Variants in AGMO observed in about 807,000 individuals in gnomAD.
AGMO encodes the protein alkylglycerol monooxygenase.
In AGMO, 75 loss-of-function variants were observed where a neutral mutation model predicts 60.2. The observed-to-expected ratio is 1.25, with a 90% CI of 1.03 to 1.51. The LOEUF (loss-of-function observed/expected upper bound fraction) is 1.51. Ranked by LOEUF, AGMO falls within the 40% of genes most tolerant of loss-of-function variation. The pLI is 0.00. For synonymous variants in AGMO, 261 were observed against 177.1 expected, an observed-to-expected ratio of 1.47 and a Z score of -3.76; for missense variants, 763 against 525.5, an observed-to-expected ratio of 1.45 and a Z score of -4.42.
chr7:15,295,507 T>C (rs1583374980), intron 12 of AGMO, among the ~76,000 whole-genome samples: 1 of 152,036 alleles, frequency 6.6e-6, no homozygotes, highest in Admixed American at 6.6e-5. Context: ...TGGGTGATAG[T>C]GGGAGGAGGC....
chr7:15,342,622 A>C (rs1781891003), intron 12 of AGMO, among the ~76,000 whole-genome samples: 1 of 151,884 alleles, frequency 6.6e-6, no homozygotes, highest in Non-Finnish European at 1.5e-5. Flanking sequence ...TATCTTGACT[A>C]ACAGATTTCG....
intron 12 of AGMO, among the ~76,000 whole-genome samples, chr7:15,269,662 C>G (rs1033139156): frequency 4.6e-5 from 7 of 151,996 alleles, no homozygotes; most frequent in Admixed American, 3.3e-4. Flanking sequence ...GTTTGTTGCA[C>G]ATTGTTGCAT....
At chr7:15,174,495 A>G in the AGMO span, among the ~76,000 whole-genome samples, 1 of 152,126 alleles carries the variant, frequency 6.6e-6, no homozygotes, top group Non-Finnish European at 1.5e-5. Flanking sequence ...CTCAAAGAAA[A>G]AGATGGACTC....
At chr7:15,467,263 T>C (rs1021748771) in intron 3 of AGMO, among the ~76,000 whole-genome samples, 3 of 152,132 alleles carry the variant, frequency 2.0e-5, no homozygotes, top group African/African-American at 4.8e-5. Flanking sequence ...ATGTGGAACA[T>C]ATTGAGTAGC....
At chr7:15,273,182 T>C (rs1188600606) in intron 12 of AGMO, among the ~76,000 whole-genome samples, 1 of 152,224 alleles carries the variant, frequency 6.6e-6, no homozygotes, top group Non-Finnish European at 1.5e-5. Flanking sequence ...TTTTGGTGTT[T>C]TAGGCATGAA....
At chr7:15,354,478 GTGTGTATA>G (rs1782429961) in intron 12 of AGMO, among the ~76,000 whole-genome samples, 1 of 15,700 alleles carries the variant, frequency 6.4e-5, no homozygotes, top group Non-Finnish European at 1.0e-4. Flanking sequence ...GTATACACAC[GTGTGTATA>G]TACACACGTG....
At chr7:15,162,120 G>A in the AGMO span, among the ~76,000 whole-genome samples, 1 of 151,976 alleles carries the variant, frequency 6.6e-6, no homozygotes, top group East Asian at 1.9e-4. Flanking sequence ...CTGTGCTTTG[G>A]CTCTCTCCTG....
At chr7:15,479,038 C>G (rs534674975) in intron 3 of AGMO, among the ~76,000 whole-genome samples, 1 of 152,048 alleles carries the variant, frequency 6.6e-6, no homozygotes, top group Non-Finnish European at 1.5e-5. Context: ...ACAGCTCTGA[C>G]ATTCAAGTTA....
chr7:15,193,384 C>T, the AGMO span, among the ~76,000 whole-genome samples: 1 of 152,088 alleles, frequency 6.6e-6, no homozygotes, highest in Non-Finnish European at 1.5e-5. Flanking sequence ...TTATTTATTA[C>T]TTGTTAATTG....
chr7:15,492,607 T>TTTATTA (rs35755542), intron 3 of AGMO, among the ~76,000 whole-genome samples: 39 of 149,740 alleles, frequency 2.6e-4, no homozygotes, highest in Admixed American at 1.7e-3. Context: ...TGAGGAGGTT[T>TTTATTA]TTATTATTAT....
intron 10 of AGMO, among the ~76,000 whole-genome samples, chr7:15,379,237 C>T (rs1783580577): frequency 6.6e-6 from 1 of 151,860 alleles, no homozygotes; most frequent in Admixed American, 6.6e-5. Flanking sequence ...AAAGAAATCC[C>T]AAAGCTATCA....
At chr7:15,309,798 CTCAA>C (rs1324487903) in intron 12 of AGMO, among the ~76,000 whole-genome samples, 1 of 152,012 alleles carries the variant, frequency 6.6e-6, no homozygotes, top group African/African-American at 2.4e-5. Context: ...CCTAATGTCC[CTCAA>C]TCAAAGATCA....
chr7:15,482,404 A>G (rs1782779860), intron 3 of AGMO, among the ~76,000 whole-genome samples: 1 of 152,194 alleles, frequency 6.6e-6, no homozygotes, highest in African/African-American at 2.4e-5. Context: ...TGAAAACTTT[A>G]GTAAATTGGA....
chr7:15,396,529 G>A (rs66518669), intron 5 of AGMO: 50,619 of 151,856 alleles, frequency 0.33, 8,665 homozygotes, highest in African/African-American at 0.41. Flanking sequence ...ATTGCAAAGA[G>A]CAAAAGAACA....
chr7:15,493,693 A>C (rs1383767199), intron 3 of AGMO, among the ~76,000 whole-genome samples: 1 of 151,974 alleles, frequency 6.6e-6, no homozygotes, highest in Non-Finnish European at 1.5e-5. Context: ...TTTTTCCCTG[A>C]TCATTTGATA....
At chr7:15,472,101 T>C (rs1014914282) in intron 3 of AGMO, among the ~76,000 whole-genome samples, 2 of 151,904 alleles carry the variant, frequency 1.3e-5, no homozygotes, top group African/African-American at 4.8e-5. Context: ...AATTCTATCA[T>C]CTCATGGTAG....
At chr7:15,237,322 G>C (rs926675198) in intron 12 of AGMO, among the ~76,000 whole-genome samples, 7 of 152,124 alleles carry the variant, frequency 4.6e-5, no homozygotes, top group African/African-American at 1.7e-4. Flanking sequence ...TAGAACAGAT[G>C]AAAGTAGCAC....
chr7:15,167,164 A>C, the AGMO span, among the ~76,000 whole-genome samples: 1 of 152,210 alleles, frequency 6.6e-6, no homozygotes, highest in Non-Finnish European at 1.5e-5. Flanking sequence ...AACAATGTCC[A>C]TGAATATTGA....
intron 12 of AGMO, among the ~76,000 whole-genome samples, chr7:15,329,107 T>C (rs569657093): frequency 6.6e-6 from 1 of 152,278 alleles, no homozygotes; most frequent in African/African-American, 2.4e-5. Flanking sequence ...GTCCCACATA[T>C]TGGACTTACC....
Sources: allele counts gnomAD v4.1 joint callset (sites outside exome capture counted in the v4.1 genomes callset), GRCh38; gene constraint gnomAD v4.1.1; transcripts MANE v1.5; gene names NCBI Gene and HGNC (gene_info 2026-07-23, HGNC 2026-07-21).